NHSL1: variants seen among roughly 807,000 people sequenced by gnomAD.
NHSL1 encodes the protein NHS-like protein 1.
Under a neutral mutation model 95.0 loss-of-function variants are expected in NHSL1, and 48 were observed. That is an observed-to-expected ratio of 0.51 (90% confidence interval 0.40 to 0.64). The LOEUF is 0.64. NHSL1 is among the 30% of genes least tolerant of loss of function. NHSL1 has a pLI of 0.00. For synonymous variants in NHSL1, 783 were observed against 833.9 expected (o/e 0.94, Z 1.05); for missense variants, 1,971 against 2,077.7 (o/e 0.95, Z 1.00).
chr6:138,650,143 T>G (rs1159636082), intron 1 of NHSL1: 3 of 540,804 alleles, frequency 5.5e-6, no homozygotes, highest in Admixed American at 2.2e-5. Flanking sequence ...GTTGGAGTCA[T>G]CTTGCAGGTA....
At chr6:138,449,159 T>C (rs140497410) in intron 3 of NHSL1, among the ~76,000 whole-genome samples, 2 of 152,120 alleles carry the variant, frequency 1.3e-5, no homozygotes, top group East Asian at 1.9e-4. Flanking sequence ...CTACAACTAC[T>C]AGGGCTCTAT....
At chr6:138,549,339 C>A (rs763236612), upstream of NHSL1, among the ~76,000 whole-genome samples, 2 of 152,030 alleles carry the variant, frequency 1.3e-5, no homozygotes, top group East Asian at 1.9e-4. Context: ...GCCAAGATTG[C>A]GCCATTGAAC....
At chr6:138,540,965 G>A (rs1782555904) in intron 1 of NHSL1, among the ~76,000 whole-genome samples, 1 of 152,166 alleles carries the variant, frequency 6.6e-6, no homozygotes, top group Admixed American at 6.5e-5. Context: ...GCGAAACCAG[G>A]TAAAATCCAT....
chr6:138,478,196 G>A (rs541989179), intron 2 of NHSL1, among the ~76,000 whole-genome samples: 8 of 151,602 alleles, frequency 5.3e-5, no homozygotes, highest in Non-Finnish European at 1.0e-4. Context: ...GGTCAGGCTG[G>A]TCTCAAAGTC....
Position 138,636,990 on chromosome 6 carries a change from C to T in NHSL1, c.96+55486G>A, listed in dbSNP as rs560140567. Among the ~76,000 whole-genome samples the T allele has an allele frequency of 5.9e-5, 9 of 152,176 alleles. No homozygotes were observed. The South Asian group carries it at 6.2e-4, about 11-fold the overall frequency. ...GCAAAAAGAGCAAAACTAGAGGAAA[C>T]GCATTTCCTGACTTCAAATGATACT... On this transcript the variant is annotated intron_variant, in intron 1 of 3. Transcript: ENST00000491526.
upstream of NHSL1, among the ~76,000 whole-genome samples, chr6:138,499,973 T>C (rs1367315661): frequency 6.6e-6 from 1 of 152,168 alleles, no homozygotes; most frequent in Admixed American, 6.5e-5. Context: ...TGCATTTTTG[T>C]GCAAATTAGG....
In NHSL1 at chr6:138,431,044, G is replaced by C. The variant is rs1775616031; in HGVS notation, c.3301C>G (p.Arg1101Gly). 1 of 1,552,148 alleles carries C rather than the reference G, an allele frequency of 6.4e-7. No individual in the cohort carries two copies. The highest frequency in any genetic ancestry group is 8.7e-7 in the Non-Finnish European group (1 of 1,147,086). ...TGGTACTGTGGAGCAACTGGAGTTCGTTGTTCCTGAGCTGTTCGTTCAGAC... is the reference window on the plus strand; with the variant it reads ...TGGTACTGTGGAGCAACTGGAGTTCCTTGTTCCTGAGCTGTTCGTTCAGAC... ...QLSERTAQEQ[R>G]TPVAPQYHLK... The change falls in exon 6 of 8, where the codon CGA becomes GGA. Residue 1101 changes from arginine to glycine, a missense_variant. This residue lies in a region of NHSL1 where 1,602 missense variants were observed against 1,654.5 expected (regional missense o/e 0.97). Coordinates refer to ENST00000343505, the MANE Select transcript of NHSL1 (RefSeq NM_001144060.2). This position sits in a 1 kb window ranked among gnomAD's most constrained non-coding sequence, Gnocchi z 4.0.
chr6:138,559,209 T>C lies in NHSL1; in HGVS notation c.202+12501A>G, dbSNP rs567975274. On this transcript the variant is annotated intron_variant, in intron 1 of 6. Coordinates refer to the NHSL1 transcript ENST00000427025. ...ATTTTCCCCTATGGGGGATGGACAG[T>C]AGGCTGGTAAATAAAGACAGAGAAA... Among the ~76,000 whole-genome samples, 19 of 152,344 alleles carry C rather than the reference T, an allele frequency of 1.2e-4. 2 individuals carry two copies. The highest frequency in any genetic ancestry group is 6.8e-3 in the Middle Eastern group (2 of 294).
chr6:138,578,643 C>T (rs2114479204), intron 1 of NHSL1, among the ~76,000 whole-genome samples: 2 of 152,224 alleles, frequency 1.3e-5, no homozygotes, highest in South Asian at 4.2e-4. Context: ...TTTCCTGTAG[C>T]CTCTCCAGTG....
intron 3 of NHSL1, among the ~76,000 whole-genome samples, chr6:138,470,141 A>G (rs776093397): frequency 6.6e-6 from 1 of 152,224 alleles, no homozygotes. Flanking sequence ...GATGACATTC[A>G]GATCTAATGA....
intron 2 of NHSL1, among the ~76,000 whole-genome samples, chr6:138,480,364 G>A (rs759506321): frequency 4.6e-5 from 7 of 152,196 alleles, no homozygotes; most frequent in Non-Finnish European, 7.3e-5. Context: ...GACCCAGAAT[G>A]TATGGAGGGC....
chr6:138,665,150 C>T (rs556196523), intron 1 of NHSL1, among the ~76,000 whole-genome samples: 38 of 152,268 alleles, frequency 2.5e-4, no homozygotes, highest in Non-Finnish European at 4.9e-4. Flanking sequence ...CCAAATTCAG[C>T]GTTAATTTCT....
intron 1 of NHSL1, among the ~76,000 whole-genome samples, chr6:138,637,509 T>C (rs1784903040): frequency 6.6e-6 from 1 of 152,158 alleles, no homozygotes. Flanking sequence ...GACAAGTGAT[T>C]AATAACCAGA....
chr6:138,685,397 T>C (rs2114795197), intron 1 of NHSL1, among the ~76,000 whole-genome samples: 1 of 152,336 alleles, frequency 6.6e-6, no homozygotes, highest in African/African-American at 2.4e-5. Context: ...CTTTCCATAA[T>C]GACATTGCAC....
chr6:138,457,699 AG>A (rs1777707435), intron 3 of NHSL1, among the ~76,000 whole-genome samples: 1 of 152,164 alleles, frequency 6.6e-6, no homozygotes, highest in African/African-American at 2.4e-5. Context: ...ACAAAATAAA[AG>A]GTTTTCCAGA....
intron 1 of NHSL1, among the ~76,000 whole-genome samples, chr6:138,667,639 A>G (rs1034836579): frequency 2.0e-5 from 3 of 152,270 alleles, no homozygotes; most frequent in African/African-American, 7.2e-5. Context: ...CTAGAATTTC[A>G]TTCACTCACC....
At chr6:138,648,409 C>T (rs1026152515) in intron 1 of NHSL1, among the ~76,000 whole-genome samples, 9 of 151,220 alleles carry the variant, frequency 6.0e-5, no homozygotes, top group East Asian at 5.8e-4. Flanking sequence ...CTAGGCAAGG[C>T]TTAGCTGAAC....
chr6:138,441,890 A>G, intron 5 of NHSL1, 93 bp downstream of exon 5: 3 of 1,225,460 alleles, frequency 2.4e-6, no homozygotes, highest in Non-Finnish European at 3.2e-6. Context: ...GGCTATCAGA[A>G]TGTATCGATT....
intron 3 of NHSL1, among the ~76,000 whole-genome samples, chr6:138,457,785 G>A (rs970827015): frequency 3.9e-5 from 6 of 152,086 alleles, no homozygotes; most frequent in African/African-American, 9.6e-5. Flanking sequence ...CGAGGTGGGC[G>A]GATCACGAGG....
Sources: gnomAD v4.1 joint callset for allele counts (sites outside exome capture counted in the v4.1 genomes callset) on GRCh38, gnomAD v4.1.1 for gene constraint, gnomAD v4.1.1 regional missense constraint, Gnocchi (gnomAD v3.1) non-coding constraint, MANE v1.5 for transcripts, NCBI Gene and HGNC (gene_info 2026-07-23, HGNC 2026-07-21) for gene names.